NOS1AP: variants seen among roughly 807,000 people sequenced by gnomAD.
NOS1AP encodes the protein nitric oxide synthase 1 adaptor protein.
A neutral mutation model predicts 56.2 loss-of-function variants in NOS1AP; 21 were observed. That is an observed-to-expected ratio of 0.37 (90% confidence interval 0.26 to 0.54). The LOEUF is 0.54. NOS1AP is among the 20% of genes least tolerant of loss of function. The pLI is 0.84. For missense variants in NOS1AP, 522 were observed against 657.8 expected (o/e 0.79, Z 2.26); for synonymous variants, 270 against 274.6 (o/e 0.98, Z 0.17).
intron 2 of NOS1AP, among the ~76,000 whole-genome samples, chr1:162,234,215 A>G (rs1475819854): frequency 2.0e-5 from 3 of 152,136 alleles, no homozygotes; most frequent in African/African-American, 7.2e-5. Context: ...GTACATGAAG[A>G]TGAGGAAAAG....
intron 2 of NOS1AP, among the ~76,000 whole-genome samples, chr1:162,277,811 C>T (rs1463250522): frequency 6.6e-6 from 1 of 152,180 alleles, no homozygotes; most frequent in Non-Finnish European, 1.5e-5. Flanking sequence ...ATTTAGGGAC[C>T]ACTTCCTTAT....
At chr1:162,075,459 T>G (rs892081592) in intron 1 of NOS1AP, among the ~76,000 whole-genome samples, 9 of 152,230 alleles carry the variant, frequency 5.9e-5, no homozygotes, top group African/African-American at 2.2e-4. Flanking sequence ...TGGATGCCTC[T>G]TAAACATACG....
chr1:162,186,992 G>A (rs1328442626), intron 2 of NOS1AP, among the ~76,000 whole-genome samples: 1 of 151,818 alleles, frequency 6.6e-6, no homozygotes, highest in East Asian at 1.9e-4. Flanking sequence ...TTTGAGACAG[G>A]GTCTCACTTT....
chr1:162,157,359 T>A (rs918901818), intron 2 of NOS1AP, among the ~76,000 whole-genome samples: 6 of 152,208 alleles, frequency 3.9e-5, no homozygotes, highest in Non-Finnish European at 8.8e-5. Context: ...GTGGTATGTG[T>A]TTTACCCTAA....
At chr1:162,344,952 GA>G (rs1334277122) in intron 6 of NOS1AP, among the ~76,000 whole-genome samples, 4 of 150,836 alleles carry the variant, frequency 2.7e-5, no homozygotes, top group South Asian at 4.2e-4. Context: ...CATAGTGGAG[GA>G]AAAAAATCCA....
chr1:162,091,773 G>A (rs1355805866), intron 1 of NOS1AP, among the ~76,000 whole-genome samples: 1 of 152,176 alleles, frequency 6.6e-6, no homozygotes, highest in African/African-American at 2.4e-5. Flanking sequence ...AAGAGAGAGG[G>A]CACTTTACAC....
At chr1:162,331,666 GAAAGCCATCAGTGTTGTTAGTGGTGAA>G (rs1296536199) in intron 4 of NOS1AP, among the ~76,000 whole-genome samples, 2 of 152,200 alleles carry the variant, frequency 1.3e-5, no homozygotes, top group Non-Finnish European at 2.9e-5. Context: ...CTCCTTGAAT[GAAAGCCATCAGTGTTGTTAGTGGTGAA>G]AAATGTTTTG....
intron 2 of NOS1AP, 38 bp downstream of exon 2, chr1:162,154,514 C>A: frequency 6.2e-7 from 1 of 1,603,814 alleles, no homozygotes; most frequent in South Asian, 1.1e-5. Flanking sequence ...AGCGGGGAGT[C>A]AAGTGCCTTA....
At chr1:162,262,512 A>C (rs150786665) in intron 2 of NOS1AP, among the ~76,000 whole-genome samples, 268 of 152,350 alleles carry the variant, frequency 1.8e-3, no homozygotes, top group African/African-American at 6.1e-3. Flanking sequence ...CATAGTAGTA[A>C]TCTAATGACA....
At chr1:162,363,350 G>A (rs1178890579) in intron 8 of NOS1AP, 3 of 152,638 alleles carry the variant, frequency 2.0e-5, no homozygotes, top group Non-Finnish European at 4.4e-5. Context: ...GAGATGCATA[G>A]GGCAGGGTCT....
intron 4 of NOS1AP, among the ~76,000 whole-genome samples, chr1:162,304,463 G>GT (rs1162559179): frequency 6.6e-6 from 1 of 151,888 alleles, no homozygotes; most frequent in Non-Finnish European, 1.5e-5. Flanking sequence ...TTTTAAAAAA[G>GT]TTTTTTTATT....
At chr1:162,347,416 ATG>A (rs1031739717) in intron 6 of NOS1AP, among the ~76,000 whole-genome samples, 5 of 152,232 alleles carry the variant, frequency 3.3e-5, no homozygotes, top group African/African-American at 1.2e-4. Flanking sequence ...CGCAGAGAGG[ATG>A]CCCAGAGGTT....
chr1:162,352,138 C>T (rs560352382), intron 6 of NOS1AP, among the ~76,000 whole-genome samples: 3 of 152,244 alleles, frequency 2.0e-5, no homozygotes, highest in South Asian at 2.1e-4. Flanking sequence ...CAGCTGACTG[C>T]AACCTCCGCC....
intron 1 of NOS1AP, among the ~76,000 whole-genome samples, chr1:162,134,485 T>TC (rs1553258136): frequency 1.1e-5 from 1 of 92,736 alleles, no homozygotes; most frequent in African/African-American, 3.1e-5. Context: ...AGACTTTGTC[T>TC]AAAAAAAAAA....
Position 162,151,807 on chromosome 1 carries a change from G to A in NOS1AP, c.106-2598G>A, listed in dbSNP as rs141264957. 8.5e-4 allele frequency among the ~76,000 whole-genome samples: 129 copies of A among 152,196 alleles called. 1 individual carries two copies. The highest frequency in any genetic ancestry group is 2.7e-3 in the African/African-American group (111 of 41,532). The stretch of plus-strand genomic sequence containing the variant: ...AAGAGCAAGTGAGTGTGTGGTGTGA[G>A]TGTGATGTGTTAGTAGGGGTGTGGG... On this transcript the variant is annotated intron_variant, in intron 1 of 9. Transcript: ENST00000361897.
At chr1:162,179,666 C>T (rs1342266565) in intron 2 of NOS1AP, among the ~76,000 whole-genome samples, 1 of 152,162 alleles carries the variant, frequency 6.6e-6, no homozygotes, top group South Asian at 2.1e-4. Context: ...TCCTTGAACT[C>T]AGATCCAGAA....
At chr1:162,185,212 A>G (rs1168408542) in intron 2 of NOS1AP, among the ~76,000 whole-genome samples, 1 of 152,160 alleles carries the variant, frequency 6.6e-6, no homozygotes, top group Non-Finnish European at 1.5e-5. Context: ...CTGATCCAGG[A>G]TAATCTCTCC....
chr1:162,252,525 C>T (rs540233425), intron 2 of NOS1AP, among the ~76,000 whole-genome samples: 21 of 152,276 alleles, frequency 1.4e-4, no homozygotes, highest in Admixed American at 1.2e-3. Flanking sequence ...TCAGCAAGCC[C>T]ATTCTGTGCA....
chr1:162,369,067 T>G lies in NOS1AP; in HGVS notation c.*1600T>G, dbSNP rs543017005. The stretch of plus-strand genomic sequence containing the variant: ...TGTCAGTGGAAATAGGATCAGGTGG[T>G]GTGTGTGTGTGTGTTTTGTGTGTGT... On this transcript the variant is annotated 3_prime_UTR_variant, in exon 10 of 10. Coordinates refer to ENST00000361897, the MANE Select transcript of NOS1AP (RefSeq NM_014697.3). 1 of 151,732 alleles carries G rather than the reference T, an allele frequency of 6.6e-6. No individual in the cohort carries two copies. Among genetic ancestry groups the G allele is most frequent in the African/African-American group, 2.4e-5 (1 of 41,372 alleles). The allele number at this position is 151,732 out of a possible 1,614,324, so 9.4% of individuals were successfully genotyped here.
Sources: gnomAD v4.1 joint callset for allele counts (sites outside exome capture counted in the v4.1 genomes callset) on GRCh38, gnomAD v4.1.1 for gene constraint, MANE v1.5 for transcripts, NCBI Gene and HGNC (gene_info 2026-07-23, HGNC 2026-07-21) for gene names.